Variants in TRPC5 observed in about 807,000 individuals in gnomAD.
TRPC5 encodes the protein transient receptor potential cation channel subfamily C member 5.
In TRPC5, 9 loss-of-function variants were observed where a neutral mutation model predicts 56.5. The observed-to-expected ratio is 0.16, with a 90% CI of 0.10 to 0.28. The LOEUF is 0.28. Ranked by LOEUF, TRPC5 falls within the 10% of genes least tolerant of loss-of-function variation. The probability of loss-of-function intolerance (pLI) is 1.00; values close to 1 mark genes in which losing one functional copy is unlikely to be tolerated. For synonymous variants in TRPC5, 282 were observed against 278.5 expected, an observed-to-expected ratio of 1.01 and a Z score of -0.13; for missense variants, 469 against 748.9, an observed-to-expected ratio of 0.63 and a Z score of 4.36.
Position 111,776,180 on chromosome X carries a change from A to G in TRPC5, c.*133T>C. 3 of 577,208 alleles carry G rather than the reference A, an allele frequency of 5.2e-6. No individual in the cohort carries two copies. Among genetic ancestry groups the G allele is most frequent in the Non-Finnish European group, 5.2e-6 (2 of 382,170 alleles). 47.6% of individuals were successfully genotyped at this position (577,208 alleles called of 1,213,427 possible). On this transcript the variant is annotated 3_prime_UTR_variant, in exon 11 of 11. Transcript: ENST00000262839. The stretch of plus-strand genomic sequence containing the variant: ...AAAATGGAGAATGTGGCTATAAAAG[A>G]TGGTGCAAATAAGAGTTTCACTCTC...
chrX:111,913,178 A>C (rs1382405949), intron 2 of TRPC5, among the ~76,000 whole-genome samples: 2 of 111,638 alleles, frequency 1.8e-5, no homozygotes, highest in African/African-American at 6.5e-5. Flanking sequence ...CAAGCTCTAG[A>C]GTCAAATTGT....
At chrX:111,874,449 A>G (rs1225281369) in intron 3 of TRPC5, among the ~76,000 whole-genome samples, 1 of 111,973 alleles carries the variant, frequency 8.9e-6, no homozygotes, top group African/African-American at 3.3e-5. Context: ...TGGTAGCTTG[A>G]TTTTAAAGAG....
intron 1 of TRPC5, among the ~76,000 whole-genome samples, chrX:111,996,377 C>G (rs1194118316): frequency 9.1e-6 from 1 of 109,992 alleles, no homozygotes; most frequent in African/African-American, 3.3e-5. Context: ...GGTCTTTTAC[C>G]TTTGCTGAGG....
chrX:111,943,158 T>A (rs1011412986), intron 2 of TRPC5, among the ~76,000 whole-genome samples: 22 of 111,870 alleles, frequency 2.0e-4, no homozygotes, highest in African/African-American at 7.2e-4. Context: ...AAATTGGGGT[T>A]TGGAGAGATT....
At position 112,074,652 on chromosome X, in the gene TRPC5, C is replaced by G. The variant is rs757685206; in HGVS notation, c.-22+7227G>C. Among the ~76,000 whole-genome samples, 5 of 111,598 alleles carry G rather than the reference C, an allele frequency of 4.5e-5. No homozygotes were observed. In the South Asian group the frequency reaches 1.9e-3, roughly 42 times the overall value. ...GCCTGTTTCCATGAATGGCTTAAAG[C>G]ATGATGCCCTACTTGGCCACACCAG... is the stretch of plus-strand genomic sequence containing the variant. On this transcript the variant is annotated intron_variant, in intron 1 of 10. Transcript: ENST00000262839.
chrX:111,831,155 C>T (rs1263911365), intron 7 of TRPC5, among the ~76,000 whole-genome samples: 1 of 112,396 alleles, frequency 8.9e-6, no homozygotes, highest in Admixed American at 9.4e-5. Flanking sequence ...CCAAATGTTA[C>T]CCTTTACTTG....
Position 111,776,321 on chromosome X carries a change from G to T in TRPC5, c.2914C>A (p.Arg972Ser). The stretch of plus-strand genomic sequence containing the variant: ...GATGATTAGGGCTTGACTTAGAGGC[G>T]AGTTGTAACTTGTTCTTCCTGTCCA... ...GDGQEEQVTTRL is the reference protein window; with the variant it reads ...GDGQEEQVTTSL Residue 972 changes from arginine to serine, a missense_variant, in exon 11 of 11, where the codon CGC (arginine) becomes AGC (serine). Physicochemically the swap from Arg to Ser is moderately radical, Grantham distance 110. This residue lies in a region of TRPC5 where 194 missense variants were observed against 221.8 expected (regional missense o/e 0.87). Coordinates refer to ENST00000262839, the MANE Select transcript of TRPC5 (RefSeq NM_012471.3). 8.5e-7 allele frequency: 1 copy of T among 1,170,726 alleles called. No homozygotes were observed. The highest frequency in any genetic ancestry group is 1.1e-6 in the Non-Finnish European group (1 of 876,714).
chrX:111,829,540 C>G (rs1223115549), intron 7 of TRPC5, among the ~76,000 whole-genome samples: 1 of 111,918 alleles, frequency 8.9e-6, no homozygotes, highest in African/African-American at 3.2e-5. Context: ...AAATGGTTTC[C>G]TGGGCTAGGC....
intron 3 of TRPC5, among the ~76,000 whole-genome samples, chrX:111,877,985 G>A (rs1924034890): frequency 9.0e-6 from 1 of 111,349 alleles, no homozygotes; most frequent in Non-Finnish European, 1.9e-5. Flanking sequence ...ATTTTCTATG[G>A]AGTCCTGAAA....
rs796268015 is a variant in TRPC5 at position 111,940,153 on chromosome X, TAGG to T, written c.378+11887_378+11889del. 7.6e-4 allele frequency among the ~76,000 whole-genome samples: 85 copies of T among 111,958 alleles called. 1 individual carries two copies. In the Middle Eastern group the frequency reaches 0.018, roughly 24 times the overall value. On this transcript the variant is annotated intron_variant, in intron 2 of 10. Coordinates refer to ENST00000262839, the MANE Select transcript of TRPC5 (RefSeq NM_012471.3). Reference sequence around the variant, plus strand: ...TTCTATAGGTTCATGTATCTCAAGATAGGAGCTATCATCCCACTATTCTTTCAG... The same window carrying T: ...TTCTATAGGTTCATGTATCTCAAGATAGCTATCATCCCACTATTCTTTCAG...
intron 3 of TRPC5, chrX:111,901,803 G>T (rs1925359240): frequency 2.0e-6 from 2 of 1,003,605 alleles, no homozygotes; most frequent in African/African-American, 1.9e-5. Flanking sequence ...GAGTCCATTT[G>T]CTAGAGCTTT....
rs1921601898 is a variant in TRPC5, at chrX:111,808,686, T to C, written c.1896+26235A>G. On this transcript the variant is annotated intron_variant, in intron 7 of 10. Coordinates refer to ENST00000262839, the MANE Select transcript of TRPC5 (RefSeq NM_012471.3). ...AGCTGCAAGACAAAGTCCCCTTTAC[T>C]CTTCCCTCTCCTTTTCTCAAGCAGA... Among the ~76,000 whole-genome samples the C allele has an allele frequency of 2.7e-5, 3 of 109,352 alleles. No individual in the cohort carries two copies. The Middle Eastern group carries it at 0.014, about 513-fold the overall frequency. 95.0% of individuals were successfully genotyped at this position (109,352 alleles called of 115,157 possible). A position where few individuals can be genotyped will look rare whatever the true frequency, so the allele number is the denominator to read the frequency against.
intron 2 of TRPC5, among the ~76,000 whole-genome samples, chrX:111,926,536 C>A (rs765116412): frequency 9.8e-5 from 11 of 112,013 alleles, no homozygotes; most frequent in Non-Finnish European, 1.7e-4. Flanking sequence ...GATAATGCTG[C>A]TCTAGAAGCT....
Position 111,790,224 on chromosome X carries a change from CA to C in TRPC5, c.1897-8087del, listed in dbSNP as rs750401580. 1.1e-4 allele frequency among the ~76,000 whole-genome samples: 12 copies of C among 111,690 alleles called. No homozygotes were observed. The East Asian group carries it at 2.0e-3, about 18-fold the overall frequency. Reference sequence around the variant, plus strand: ...CACATATACACCATGGAATACTATGCAGCCATAAAAAAGGATGAGTTCATGT... The same window carrying C: ...CACATATACACCATGGAATACTATGCGCCATAAAAAAGGATGAGTTCATGT... On this transcript the variant is annotated intron_variant, in intron 7 of 10. Transcript: ENST00000262839.
At position 111,968,831 on chromosome X, in the gene TRPC5, G is replaced by C. The variant is rs1343797101; in HGVS notation, c.-21-16390C>G. 3.6e-4 allele frequency among the ~76,000 whole-genome samples: 23 copies of C among 63,873 alleles called. 1 individual carries two copies. Among genetic ancestry groups the C allele is most frequent in the African/African-American group, 1.3e-3 (21 of 16,101 alleles). 55.5% of individuals were successfully genotyped at this position (63,873 alleles called of 115,157 possible). On this transcript the variant is annotated intron_variant, in intron 1 of 10. Coordinates refer to ENST00000262839, the MANE Select transcript of TRPC5 (RefSeq NM_012471.3). ...CACACTCTGGGGACTGTTGTGGGGT[G>C]GGGGGAGGGGGGAGGGATAGCATTT... is the stretch of plus-strand genomic sequence containing the variant.
At chrX:112,040,030 T>G (rs142979793) in intron 1 of TRPC5, among the ~76,000 whole-genome samples, 2 of 112,009 alleles carry the variant, frequency 1.8e-5, no homozygotes, top group Non-Finnish European at 3.8e-5. Context: ...GGGGACCAGA[T>G]GGCCATTAAT....
At chrX:112,026,928 A>AAAAGAAAG (rs376571702) in intron 1 of TRPC5, among the ~76,000 whole-genome samples, 21 of 109,011 alleles carry the variant, frequency 1.9e-4, no homozygotes, top group African/African-American at 6.3e-4. Flanking sequence ...AAGAAGAAGA[A>AAAAGAAAG]AAAGAAAGAA....
intron 6 of TRPC5, among the ~76,000 whole-genome samples, chrX:111,842,134 A>ATATATATATAT (rs57527541): frequency 0.019 from 1,587 of 83,069 alleles, 143 homozygotes; most frequent in African/African-American, 0.11. Flanking sequence ...ATATATATGT[A>ATATATATATAT]TATATATATA....
At chrX:112,081,246 C>G (rs1352868833) in intron 1 of TRPC5, among the ~76,000 whole-genome samples, 2 of 111,939 alleles carry the variant, frequency 1.8e-5, no homozygotes, top group Non-Finnish European at 3.8e-5. Context: ...TTGTCCGAGT[C>G]GATGTGTGTC....
Sources: allele counts gnomAD v4.1 joint callset (sites outside exome capture counted in the v4.1 genomes callset), GRCh38; gene constraint gnomAD v4.1.1; regional missense constraint gnomAD v4.1.1; transcripts MANE v1.5; gene names NCBI Gene and HGNC (gene_info 2026-07-23, HGNC 2026-07-21).